Variants in ROBO2 observed in about 807,000 individuals in gnomAD.
ROBO2 encodes roundabout homolog 2.
ROBO2 carries 53 observed loss-of-function variants against 160.8 expected under a neutral mutation model. The ratio of observed to expected loss-of-function variants is 0.33; its 90% CI spans 0.26 to 0.41. The LOEUF is 0.41. Ranked by LOEUF, ROBO2 falls within the 10% of genes least tolerant of loss-of-function variation. The pLI, the probability that ROBO2 is intolerant of heterozygous loss-of-function variation, is 1.00. For synonymous variants in ROBO2, 664 were observed against 611.7 expected (o/e 1.09, Z -1.26); for missense variants, 1,577 against 1,722.4 (o/e 0.92, Z 1.49).
At chr3:77,291,544 C>T (rs1465076960) in intron 2 of ROBO2, among the ~76,000 whole-genome samples, 1 of 150,518 alleles carries the variant, frequency 6.6e-6, no homozygotes, top group Admixed American at 6.6e-5. Context: ...GGCTAGATCA[C>T]CCCAGACATA....
chr3:76,670,996 T>G (rs1168628362), intron 2 of ROBO2, among the ~76,000 whole-genome samples: 6 of 151,948 alleles, frequency 3.9e-5, no homozygotes, highest in African/African-American at 1.4e-4. Flanking sequence ...TCACAGGAAG[T>G]ATCTCTTTCT....
intron 5 of ROBO2, 27 bp from the exon 6 acceptor site, chr3:77,522,748 A>G: frequency 6.2e-7 from 1 of 1,603,156 alleles, no homozygotes; most frequent in Non-Finnish European, 8.5e-7. Context: ...ACTACTATTT[A>G]ATAAAACCAG....
intron 6 of ROBO2, among the ~76,000 whole-genome samples, chr3:77,524,518 A>G (rs140381827): frequency 1.3e-5 from 2 of 151,494 alleles, no homozygotes; most frequent in East Asian, 3.9e-4. Flanking sequence ...TAAATGCTCC[A>G]TCCGAAAAAT....
At chr3:76,304,747 C>CTTCTTTCT (rs1222058179) in intron 2 of ROBO2, among the ~76,000 whole-genome samples, 2,636 of 101,434 alleles carry the variant, frequency 0.026, 36 homozygotes, top group African/African-American at 0.039. Context: ...CTTTTCTTTC[C>CTTCTTTCT]TTCTTTCTTT....
intron 2 of ROBO2, among the ~76,000 whole-genome samples, chr3:76,951,141 T>C (rs755671732): frequency 1.3e-5 from 2 of 152,226 alleles, no homozygotes; most frequent in African/African-American, 2.4e-5. Flanking sequence ...ATTTATCAGC[T>C]TTGTAAGTAT....
chr3:77,551,686 A>G (rs916264218), intron 8 of ROBO2, among the ~76,000 whole-genome samples: 2 of 151,996 alleles, frequency 1.3e-5, no homozygotes, highest in African/African-American at 4.8e-5. Flanking sequence ...GATGTCTTAA[A>G]CTGAAAATTA....
chr3:77,604,289 A>G lies in ROBO2; in HGVS notation c.3136+1798A>G, dbSNP rs971623054. Among the ~76,000 whole-genome samples the G allele has an allele frequency of 7.9e-5, 12 of 152,276 alleles. No homozygotes were observed. The South Asian group carries it at 1.9e-3, about 24-fold the overall frequency. On this transcript the variant is annotated intron_variant, in intron 20 of 25. Coordinates refer to ENST00000461745, the Ensembl canonical transcript of ROBO2. ...CCATTTATTTATAATAAGTCTCACA[A>G]TTGTTCTGAATAATTAAAAAGTAAT...
chr3:77,181,101 A>G (rs1011848578), intron 2 of ROBO2, among the ~76,000 whole-genome samples: 12 of 152,114 alleles, frequency 7.9e-5, no homozygotes, highest in Admixed American at 6.6e-4. Flanking sequence ...AAAATACTAG[A>G]TGACTTCAAT....
chr3:77,540,539 AG>A (rs2092411551), intron 6 of ROBO2, among the ~76,000 whole-genome samples: 1 of 149,090 alleles, frequency 6.7e-6, no homozygotes, highest in Admixed American at 6.7e-5. Context: ...AGGCACAGGG[AG>A]GGGAACAATA....
At chr3:76,510,706 G>C (rs1432579870) in intron 2 of ROBO2, among the ~76,000 whole-genome samples, 1 of 152,066 alleles carries the variant, frequency 6.6e-6, no homozygotes, top group African/African-American at 2.4e-5. Flanking sequence ...CTGGGCAACA[G>C]AGCAAGACTC....
chr3:76,167,433 T>A (rs527862929), intron 2 of ROBO2, among the ~76,000 whole-genome samples: 7 of 152,308 alleles, frequency 4.6e-5, no homozygotes, highest in Admixed American at 2.6e-4. Context: ...CTTGACCATG[T>A]CCCTAGACAA....
At chr3:75,947,727 A>G (rs976368429) in intron 2 of ROBO2, among the ~76,000 whole-genome samples, 2 of 152,138 alleles carry the variant, frequency 1.3e-5, no homozygotes, top group Admixed American at 6.6e-5. Context: ...AGCATGATCA[A>G]TAAAACCTTT....
At chr3:76,885,641 A>G (rs1051429148) in intron 2 of ROBO2, among the ~76,000 whole-genome samples, 1 of 152,168 alleles carries the variant, frequency 6.6e-6, no homozygotes, top group African/African-American at 2.4e-5. Flanking sequence ...TAGAAGATGA[A>G]TGCAAACCAC....
chr3:76,302,094 G>A (rs1709388587), intron 2 of ROBO2, among the ~76,000 whole-genome samples: 1 of 152,004 alleles, frequency 6.6e-6, no homozygotes, highest in South Asian at 2.1e-4. Flanking sequence ...TTATATTGTA[G>A]TGTCCACTTT....
intron 24 of ROBO2, among the ~76,000 whole-genome samples, chr3:77,637,156 C>A (rs943331788): frequency 6.6e-6 from 1 of 152,134 alleles, no homozygotes; most frequent in East Asian, 1.9e-4. Context: ...TGGGGTGAAA[C>A]CCAGTTACAG....
At chr3:76,218,195 C>G (rs894729727) in intron 2 of ROBO2, among the ~76,000 whole-genome samples, 9 of 152,272 alleles carry the variant, frequency 5.9e-5, no homozygotes, top group East Asian at 1.9e-4. Flanking sequence ...TGCAAACACA[C>G]AGCCAATATC....
At chr3:75,910,117 C>T (rs1376846769) in intron 1 of ROBO2, among the ~76,000 whole-genome samples, 1 of 152,178 alleles carries the variant, frequency 6.6e-6, no homozygotes, top group Non-Finnish European at 1.5e-5. Flanking sequence ...CAGGGCTGCT[C>T]CAGTGATCAG....
chr3:77,007,853 C>T (rs912420517), intron 2 of ROBO2, among the ~76,000 whole-genome samples: 1 of 151,980 alleles, frequency 6.6e-6, no homozygotes, highest in Non-Finnish European at 1.5e-5. Context: ...TAATTAAAAT[C>T]ATTATCCAAA....
At chr3:77,442,079 T>C (rs560682771) in intron 2 of ROBO2, among the ~76,000 whole-genome samples, 1 of 152,054 alleles carries the variant, frequency 6.6e-6, no homozygotes, top group East Asian at 1.9e-4. Context: ...TTGGGAGGCC[T>C]AGGCAGGCGG....
Sources: allele counts gnomAD v4.1 joint callset (sites outside exome capture counted in the v4.1 genomes callset), GRCh38; gene constraint gnomAD v4.1.1; transcripts MANE v1.5; gene names NCBI Gene and HGNC (gene_info 2026-07-23, HGNC 2026-07-21).